MAF: variants seen among roughly 807,000 people sequenced by gnomAD.
MAF encodes the protein transcription factor Maf.
In MAF, 10 loss-of-function variants were observed where a neutral mutation model predicts 22.0. The observed-to-expected ratio is 0.45, with a 90% CI of 0.28 to 0.77. The LOEUF (loss-of-function observed/expected upper bound fraction) is 0.77. MAF is among the 30% of genes least tolerant of loss of function. The pLI, the probability that MAF is intolerant of heterozygous loss-of-function variation, is 0.12. For missense variants in MAF, 544 were observed against 548.4 expected (o/e 0.99, Z 0.08); for synonymous variants, 337 against 255.8 (o/e 1.32, Z -3.03).
the MAF span, among the ~76,000 whole-genome samples, chr16:79,345,507 T>G: frequency 9.2e-5 from 14 of 152,058 alleles, no homozygotes; most frequent in Non-Finnish European, 1.9e-4. Context: ...GTGGGTGGAT[T>G]ACTTGAGGTC....
At chr16:79,438,577 C>T in the MAF span, among the ~76,000 whole-genome samples, 2 of 152,118 alleles carry the variant, frequency 1.3e-5, no homozygotes, top group Admixed American at 1.3e-4. Flanking sequence ...TCCCGGGAAC[C>T]TCGAGGACAG....
the MAF span, among the ~76,000 whole-genome samples, chr16:79,532,412 A>C: frequency 3.3e-5 from 5 of 152,220 alleles, no homozygotes; most frequent in East Asian, 9.6e-4. Context: ...AAAAAAGTGA[A>C]ACAAATGTGC....
At chr16:79,585,244 T>G (rs567444242), downstream of MAF, among the ~76,000 whole-genome samples, 3 of 152,338 alleles carry the variant, frequency 2.0e-5, no homozygotes, top group Admixed American at 2.0e-4. Flanking sequence ...AATTCCATTA[T>G]TTTAATAGAT....
the MAF span, among the ~76,000 whole-genome samples, chr16:79,331,512 G>A: frequency 6.6e-6 from 1 of 152,106 alleles, no homozygotes; most frequent in Non-Finnish European, 1.5e-5. Context: ...CTGTAAAATG[G>A]ATCAATACAG....
At chr16:79,403,698 A>T in the MAF span, among the ~76,000 whole-genome samples, 1,276 of 152,322 alleles carry the variant, frequency 8.4e-3, 7 homozygotes, top group Middle Eastern at 0.017. Context: ...TTGGTCTCCT[A>T]TATGGACTAT....
At chr16:79,465,551 G>A in the MAF span, among the ~76,000 whole-genome samples, 1 of 152,218 alleles carries the variant, frequency 6.6e-6, no homozygotes, top group African/African-American at 2.4e-5. Context: ...GTGATCCCGT[G>A]ATCGCACCAC....
chr16:79,390,326 T>A, the MAF span, among the ~76,000 whole-genome samples: 7 of 152,322 alleles, frequency 4.6e-5, no homozygotes, highest in Admixed American at 6.5e-5. Context: ...AGGCATGGGC[T>A]GCAGGAGATA....
chr16:79,212,832 T>C, the MAF span: 1 of 152,204 alleles, frequency 6.6e-6, no homozygotes, highest in African/African-American at 2.4e-5. Flanking sequence ...TGAGTTTGTG[T>C]TTTGTTTTTG....
the MAF span, among the ~76,000 whole-genome samples, chr16:79,471,634 G>A: frequency 2.0e-5 from 3 of 152,188 alleles, no homozygotes; most frequent in African/African-American, 4.8e-5. Context: ...CTGAGATCAT[G>A]CCATTGCACT....
chr16:79,264,288 A>T, the MAF span, among the ~76,000 whole-genome samples: 1 of 152,308 alleles, frequency 6.6e-6, no homozygotes, highest in Non-Finnish European at 1.5e-5. Flanking sequence ...GGAACTAAAA[A>T]CAACTGCCTG....
the MAF span, among the ~76,000 whole-genome samples, chr16:79,577,272 G>A: frequency 6.6e-6 from 1 of 152,150 alleles, no homozygotes; most frequent in Non-Finnish European, 1.5e-5. Flanking sequence ...GACAAAGACG[G>A]AGAGGAGGGC....
the MAF span, among the ~76,000 whole-genome samples, chr16:79,284,939 C>T: frequency 2.4e-4 from 36 of 152,304 alleles, no homozygotes; most frequent in African/African-American, 8.4e-4. Context: ...TCCACGAAGG[C>T]ACGCGGCTCT....
the MAF span, among the ~76,000 whole-genome samples, chr16:79,335,190 A>G: frequency 6.6e-6 from 1 of 151,846 alleles, no homozygotes; most frequent in East Asian, 1.9e-4. Context: ...TCTCAAAAAA[A>G]AAAAAAAAAG....
the MAF span, among the ~76,000 whole-genome samples, chr16:79,483,704 T>C: frequency 6.6e-6 from 1 of 152,170 alleles, no homozygotes; most frequent in African/African-American, 2.4e-5. Context: ...TCAAATCATG[T>C]AGCTCACAGG....
At chr16:79,293,118 A>G in the MAF span, among the ~76,000 whole-genome samples, 1 of 152,268 alleles carries the variant, frequency 6.6e-6, no homozygotes, top group Middle Eastern at 3.4e-3. Flanking sequence ...TGCTTAATAA[A>G]CTTGCTTTCA....
At chr16:79,409,860 C>G in the MAF span, among the ~76,000 whole-genome samples, 1 of 152,192 alleles carries the variant, frequency 6.6e-6, no homozygotes, top group Admixed American at 6.5e-5. Flanking sequence ...ACTAGCCAAA[C>G]GTGGTGACTG....
chr16:79,300,664 T>G, the MAF span, among the ~76,000 whole-genome samples: 1 of 150,912 alleles, frequency 6.6e-6, no homozygotes, highest in Non-Finnish European at 1.5e-5. Context: ...CCAAATCAAT[T>G]AGAACAAAAA....
chr16:79,215,280 C>T, the MAF span, among the ~76,000 whole-genome samples: 1 of 152,054 alleles, frequency 6.6e-6, no homozygotes, highest in Non-Finnish European at 1.5e-5. Context: ...TGGGGTCTTG[C>T]TATGTTGACC....
At chr16:79,327,639 G>T in the MAF span, among the ~76,000 whole-genome samples, 2 of 152,134 alleles carry the variant, frequency 1.3e-5, no homozygotes, top group African/African-American at 4.8e-5. Context: ...ATCATTAAGC[G>T]TTCTCTCTCT....
Sources: allele counts gnomAD v4.1 joint callset (sites outside exome capture counted in the v4.1 genomes callset), GRCh38; gene constraint gnomAD v4.1.1; transcripts MANE v1.5; gene names NCBI Gene and HGNC (gene_info 2026-07-23, HGNC 2026-07-21).